The following SMAD6 variants were observed in gnomAD, a reference collection of about 807,000 sequenced individuals.
SMAD6 encodes MAD homolog 6.
Under a neutral mutation model 39.4 loss-of-function variants are expected in SMAD6, and 103 were observed. The ratio of observed to expected loss-of-function variants is 2.62; its 90% CI spans 2.23 to 3.08. The LOEUF is 3.08. Among genes scored for constraint, SMAD6 ranks in the 30% most tolerant of loss-of-function variants. The pLI, the probability that SMAD6 is intolerant of heterozygous loss-of-function variation, is 0.00. For missense variants in SMAD6, 1,104 were observed against 742.9 expected, an observed-to-expected ratio of 1.49 and a Z score of -5.65; for synonymous variants, 445 against 353.3, an observed-to-expected ratio of 1.26 and a Z score of -2.91.
chr15:66,773,620 G>A (rs1894416012), intron 3 of SMAD6, among the ~76,000 whole-genome samples: 1 of 152,096 alleles, frequency 6.6e-6, no homozygotes, highest in Non-Finnish European at 1.5e-5. Context: ...CCCAGGCCTG[G>A]GAGCCACAGA....
intron 1 of SMAD6, chr15:66,704,607 C>A (rs770758864): frequency 2.6e-5 from 4 of 152,332 alleles, no homozygotes; most frequent in African/African-American, 9.6e-5. Flanking sequence ...TGCATACTTT[C>A]GACAAAGCTT....
intron 3 of SMAD6, among the ~76,000 whole-genome samples, chr15:66,731,425 G>C (rs572052925): frequency 8.1e-6 from 1 of 122,990 alleles, no homozygotes; most frequent in South Asian, 2.8e-4. Context: ...GCAACAGAGC[G>C]AGACTCCGTC....
chr15:66,759,181 G>A (rs1050633106), intron 3 of SMAD6, among the ~76,000 whole-genome samples: 3 of 152,100 alleles, frequency 2.0e-5, no homozygotes, highest in African/African-American at 4.8e-5. Flanking sequence ...TGATCTGTAA[G>A]GTATAATAAT....
rs1893025405 is a variant in SMAD6 at position 66,703,477 on chromosome 15, ACAGCGAGGCGCCCAGGGCG to A, written c.221_239del (p.Gln74ArgfsTer45). Reference sequence around the variant, plus strand: ...CGCGGCGGCCCCGGGACGCAGTGGGACAGCGAGGCGCCCAGGGCGCGGGGAGGCGCCGGCGCGCAGGGGG... The same window carrying A: ...CGCGGCGGCCCCGGGACGCAGTGGGACGGGGAGGCGCCGGCGCGCAGGGGG... On this transcript the variant is annotated frameshift_variant, in exon 1 of 4. Coordinates refer to ENST00000288840, the MANE Select transcript of SMAD6 (RefSeq NM_005585.5). LOFTEE classifies it high-confidence loss of function. The A allele has an allele frequency of 8.1e-7, 1 of 1,240,192 alleles. No homozygotes were observed. The highest frequency in any genetic ancestry group is 1.0e-6 in the Non-Finnish European group (1 of 988,172). The allele number at this position is 1,240,192 out of a possible 1,614,324, so 76.8% of individuals were successfully genotyped here.
chr15:66,756,155 A>G (rs1894094865), intron 3 of SMAD6, among the ~76,000 whole-genome samples: 1 of 152,098 alleles, frequency 6.6e-6, no homozygotes, highest in Non-Finnish European at 1.5e-5. Context: ...TGGGAAAACT[A>G]GGTAACATTA....
In SMAD6 at chr15:66,781,037, G is replaced by A. The variant is rs902973487; in HGVS notation, c.993G>A (p.Trp331Ter). 2 of 1,599,496 alleles carry A rather than the reference G, an allele frequency of 1.3e-6. No homozygotes were observed. The highest frequency in any genetic ancestry group is 1.1e-5 in the South Asian group (1 of 90,032). The change falls in exon 4 of 4, where the codon TGG becomes TGA. Residue 331 changes from tryptophan to a stop codon, truncating the protein, a stop_gained. Coordinates refer to ENST00000288840, the MANE Select transcript of SMAD6 (RefSeq NM_005585.5). LOFTEE classifies it high-confidence loss of function. ...CGGACGCCACCAAGCCGAGCCACTG[G>A]TGCAGCGTGGCGTACTGGGAGCACC... Reference protein sequence around the residue: ...MSPDATKPSHWCSVAYWEHRT... With the variant: ...MSPDATKPSH
intron 2 of SMAD6, among the ~76,000 whole-genome samples, chr15:66,713,640 G>A (rs189434662): frequency 1.4e-4 from 21 of 152,260 alleles, no homozygotes; most frequent in Admixed American, 1.2e-3. Flanking sequence ...TCTTAGTGTC[G>A]TAGACACTCA....
At chr15:66,720,682 C>T (rs1893417155) in intron 3 of SMAD6, among the ~76,000 whole-genome samples, 1 of 152,214 alleles carries the variant, frequency 6.6e-6, no homozygotes, top group African/African-American at 2.4e-5. Flanking sequence ...CAAACATATC[C>T]TTAATGGTGA....
chr15:66,703,295 C>G lies in SMAD6; in HGVS notation c.37C>G (p.Leu13Val), dbSNP rs909517485. Residue 13 changes from leucine to valine, a missense_variant, in exon 1 of 4, where the codon CTT becomes GTT. Transcript: ENST00000288840. ...RSKRSGLVRR[L>V]WRSRVVPDRE... The stretch of plus-strand genomic sequence containing the variant: ...CAAACGCTCGGGGCTGGTGCGGCGA[C>G]TTTGGCGAAGTCGTGTGGTCCCCGA... 1.3e-6 allele frequency: 2 copies of G among 1,491,228 alleles called. No homozygotes were observed. Among genetic ancestry groups the G allele is most frequent in the Non-Finnish European group, 1.8e-6 (2 of 1,120,130 alleles). 92.4% of individuals were successfully genotyped at this position (1,491,228 alleles called of 1,614,324 possible).
chr15:66,743,385 C>T (rs1232538591), intron 3 of SMAD6, among the ~76,000 whole-genome samples: 1 of 150,754 alleles, frequency 6.6e-6, no homozygotes, highest in Non-Finnish European at 1.5e-5. Flanking sequence ...TCGGTTTCTG[C>T]ATCTGTAAAA....
chr15:66,759,256 A>G (rs1894156840), intron 3 of SMAD6, among the ~76,000 whole-genome samples: 1 of 152,268 alleles, frequency 6.6e-6, no homozygotes, highest in Non-Finnish European at 1.5e-5. Flanking sequence ...GACAGAAATA[A>G]GAGAATTTGA....
intron 3 of SMAD6, among the ~76,000 whole-genome samples, chr15:66,772,737 T>C (rs1189867849): frequency 1.3e-5 from 2 of 152,204 alleles, no homozygotes; most frequent in African/African-American, 2.4e-5. Flanking sequence ...GTGAAGTCAC[T>C]CGTCCAAGAT....
intron 3 of SMAD6, among the ~76,000 whole-genome samples, chr15:66,771,901 C>T (rs760714182): frequency 6.6e-6 from 1 of 152,142 alleles, no homozygotes; most frequent in Non-Finnish European, 1.5e-5. Flanking sequence ...GGAGAAACTA[C>T]ACTCAAAAGC....
At position 66,750,961 on chromosome 15, in the gene SMAD6, C is replaced by T. The variant is rs1025202657; in HGVS notation, c.953-30036C>T. Among the ~76,000 whole-genome samples the T allele has an allele frequency of 3.3e-5, 5 of 152,168 alleles. No homozygotes were observed. In the South Asian group the frequency reaches 6.2e-4, roughly 19 times the overall value. ...GGCTGAGGGGATGTGAGCAGAGCGC[C>T]GGCAGAGGTGTTTGCTGGGCCTCCA... On this transcript the variant is annotated intron_variant, in intron 3 of 3. Transcript: ENST00000288840.
intron 3 of SMAD6, among the ~76,000 whole-genome samples, chr15:66,746,801 G>A (rs1251304676): frequency 6.6e-6 from 1 of 152,110 alleles, no homozygotes; most frequent in African/African-American, 2.4e-5. Flanking sequence ...TAGTGCAGAG[G>A]GCTCGCTTCT....
intron 3 of SMAD6, chr15:66,717,121 CT>C: frequency 7.8e-7 from 1 of 1,288,430 alleles, no homozygotes; most frequent in Non-Finnish European, 1.0e-6. Context: ...CTGAATCAAA[CT>C]TTCCTTGAGA....
intron 2 of SMAD6, 146 bp from the exon 3 acceptor site, chr15:66,716,275 G>A (rs991332715): frequency 7.1e-5 from 46 of 649,384 alleles, no homozygotes; most frequent in Admixed American, 2.4e-5. Flanking sequence ...GTTACAGGGT[G>A]ACATCAGAAA....
Position 66,781,339 on chromosome 15 carries a change from C to A in SMAD6, c.1295C>A (p.Pro432His), listed in dbSNP as rs1363117493. 6.3e-7 allele frequency: 1 copy of A among 1,599,022 alleles called. No homozygotes were observed. The highest frequency in any genetic ancestry group is 1.3e-5 in the African/African-American group (1 of 74,848). Reference protein sequence around the residue: ...GRALVVRKVPPGYSIKVFDFE... With the variant: ...GRALVVRKVPHGYSIKVFDFE... ...GCCCTGGTCGTGCGCAAGGTGCCCC[C>A]CGGCTACTCCATCAAGGTGTTCGAC... is the stretch of plus-strand genomic sequence containing the variant. The change falls in exon 4 of 4, where the codon CCC (proline) becomes CAC (histidine). Residue 432 changes from proline (P) to histidine (H), a missense_variant. Coordinates refer to ENST00000288840, the MANE Select transcript of SMAD6 (RefSeq NM_005585.5).
At chr15:66,731,865 A>C (rs1893636699) in intron 3 of SMAD6, among the ~76,000 whole-genome samples, 2 of 151,870 alleles carry the variant, frequency 1.3e-5, no homozygotes, top group African/African-American at 4.8e-5. Context: ...GTTACTCCAT[A>C]TCCTCCCCAG....
Sources: allele counts gnomAD v4.1 joint callset (sites outside exome capture counted in the v4.1 genomes callset), GRCh38; gene constraint gnomAD v4.1.1; transcripts MANE v1.5; gene names NCBI Gene and HGNC (gene_info 2026-07-23, HGNC 2026-07-21).